PLD5: variants seen among roughly 807,000 people sequenced by gnomAD.
The protein encoded by PLD5 is inactive phospholipase D5.
A neutral mutation model predicts 61.1 loss-of-function variants in PLD5; 36 were observed. The ratio of observed to expected loss-of-function variants is 0.59; its 90% CI spans 0.45 to 0.78. The LOEUF is 0.78. Ranked by LOEUF, PLD5 falls within the 30% of genes least tolerant of loss-of-function variation. The pLI is 0.00. For synonymous variants in PLD5, 243 were observed against 242.8 expected, an observed-to-expected ratio of 1.00 and a Z score of -0.01; for missense variants, 515 against 644.4, an observed-to-expected ratio of 0.80 and a Z score of 2.17.
At chr1:242,114,972 T>C (rs2148708631) in intron 6 of PLD5, among the ~76,000 whole-genome samples, 1 of 149,964 alleles carries the variant, frequency 6.7e-6, no homozygotes, top group East Asian at 2.0e-4. Context: ...AGGTCAGGAG[T>C]TCAAGATCAG....
chr1:242,247,035 G>C (rs536240804), intron 4 of PLD5, among the ~76,000 whole-genome samples: 74 of 151,084 alleles, frequency 4.9e-4, no homozygotes, highest in Admixed American at 1.1e-3. Flanking sequence ...CCAGGCTGGA[G>C]TGCAGTGGCG....
intron 4 of PLD5, chr1:242,235,455 G>A (rs1671576569): frequency 6.6e-6 from 1 of 152,178 alleles, no homozygotes. Context: ...TCCTAAAAAG[G>A]TCCCTAAGTC....
At chr1:242,397,075 G>T (rs1490260451) in intron 1 of PLD5, among the ~76,000 whole-genome samples, 1 of 151,840 alleles carries the variant, frequency 6.6e-6, no homozygotes, top group East Asian at 1.9e-4. Flanking sequence ...CCAAGAATCA[G>T]CCTTTGGACC....
upstream of PLD5, among the ~76,000 whole-genome samples, chr1:242,526,435 G>GTTTGT (rs1195981489): frequency 1.3e-5 from 2 of 152,234 alleles, no homozygotes; most frequent in South Asian, 2.1e-4. Context: ...AATTTTGTTT[G>GTTTGT]TTTGTTTTGT....
At chr1:242,492,536 A>AG (rs1668197756) in intron 1 of PLD5, among the ~76,000 whole-genome samples, 1 of 151,646 alleles carries the variant, frequency 6.6e-6, no homozygotes. Flanking sequence ...AAAAAAAAAA[A>AG]GAAAAGAGAT....
intron 1 of PLD5, among the ~76,000 whole-genome samples, chr1:242,491,184 T>C (rs1450408873): frequency 1.3e-5 from 2 of 152,234 alleles, no homozygotes; most frequent in Non-Finnish European, 2.9e-5. Flanking sequence ...TTCAGTATAC[T>C]TACCTACAGC....
chr1:242,176,056 G>T (rs1667118032), intron 5 of PLD5, among the ~76,000 whole-genome samples: 1 of 152,092 alleles, frequency 6.6e-6, no homozygotes, highest in African/African-American at 2.4e-5. Flanking sequence ...AGCTACCATT[G>T]ACTTTCTTCA....
At chr1:242,469,136 A>T (rs1210990078) in intron 1 of PLD5, among the ~76,000 whole-genome samples, 1 of 152,206 alleles carries the variant, frequency 6.6e-6, no homozygotes, top group African/African-American at 2.4e-5. Flanking sequence ...GCCACAATAA[A>T]TATCCTAAAA....
Position 242,084,744 on chromosome 1 carries a change from G to T in PLD5, c.*5110C>A, listed in dbSNP as rs1659377250. The T allele has an allele frequency of 1.5e-5, 2 of 134,892 alleles. No individual in the cohort carries two copies. The highest frequency in any genetic ancestry group is 2.8e-5 in the African/African-American group (1 of 36,280). 8.4% of individuals were successfully genotyped at this position (134,892 alleles called of 1,614,324 possible). A position where few individuals can be genotyped will look rare whatever the true frequency, so the allele number is the denominator to read the frequency against. On this transcript the variant is annotated 3_prime_UTR_variant, in exon 10 of 10. Coordinates refer to ENST00000536534, the MANE Select transcript of PLD5 (RefSeq NM_001372062.1). ...AATGTACTCAGAATGAACATTTATT[G>T]GAAAGGTTTTTTTTTTTTTTTTTTT...
chr1:242,272,075 G>C (rs1404958035), intron 3 of PLD5, among the ~76,000 whole-genome samples: 2 of 152,012 alleles, frequency 1.3e-5, no homozygotes, highest in African/African-American at 4.8e-5. Context: ...ATAAAAAACA[G>C]GTTGAGAAAT....
intron 9 of PLD5, among the ~76,000 whole-genome samples, chr1:242,099,945 T>C (rs1458501164): frequency 1.3e-5 from 2 of 152,238 alleles, no homozygotes; most frequent in Non-Finnish European, 2.9e-5. Context: ...AAGGTTATCA[T>C]GGACTCATAT....
intron 2 of PLD5, among the ~76,000 whole-genome samples, chr1:242,302,304 T>C (rs1676099590): frequency 1.3e-5 from 2 of 152,218 alleles, no homozygotes; most frequent in Admixed American, 6.5e-5. Flanking sequence ...TGCGTTCCCA[T>C]GATTGGTTGC....
intron 1 of PLD5, among the ~76,000 whole-genome samples, chr1:242,394,725 AAC>A (rs1269434486): frequency 2.4e-5 from 1 of 41,236 alleles, no homozygotes; most frequent in African/African-American, 1.2e-4. Context: ...TATATATGTG[AAC>A]ATATATGTGT....
At chr1:242,294,696 G>T (rs1246427756) in intron 2 of PLD5, among the ~76,000 whole-genome samples, 1 of 152,174 alleles carries the variant, frequency 6.6e-6, no homozygotes, top group Non-Finnish European at 1.5e-5. Context: ...TTATTACAAA[G>T]ATTAGAGGAG....
chr1:242,321,831 C>T (rs770357995), intron 2 of PLD5, among the ~76,000 whole-genome samples: 3 of 152,148 alleles, frequency 2.0e-5, no homozygotes, highest in Non-Finnish European at 2.9e-5. Flanking sequence ...ATTAATCAAC[C>T]TTTTGTGACT....
At chr1:242,148,598 A>G (rs899231772) in intron 5 of PLD5, among the ~76,000 whole-genome samples, 1 of 152,020 alleles carries the variant, frequency 6.6e-6, no homozygotes, top group African/African-American at 2.4e-5. Context: ...ATAACAATAT[A>G]GCATTTTCTA....
intron 9 of PLD5, among the ~76,000 whole-genome samples, chr1:242,094,639 G>C (rs931193427): frequency 6.6e-6 from 1 of 152,090 alleles, no homozygotes. Flanking sequence ...AAAATATTAT[G>C]TGTAAAATTC....
At position 242,084,105 on chromosome 1, in the gene PLD5, C is replaced by T. The variant is rs1659354170; in HGVS notation, c.*5749G>A. 1.3e-5 allele frequency: 2 copies of T among 152,186 alleles called. No homozygotes were observed. Among genetic ancestry groups the T allele is most frequent in the African/African-American group, 4.8e-5 (2 of 41,520 alleles). The allele number at this position is 152,186 out of a possible 1,614,324, so 9.4% of individuals were successfully genotyped here. A position where few individuals can be genotyped will look rare whatever the true frequency, so the allele number is the denominator to read the frequency against. ...ATTTATCTCTCATATAAAAATAAAT[C>T]ACAAATAATCTTCACCCTTACTATG... On this transcript the variant is annotated 3_prime_UTR_variant, in exon 10 of 10. Transcript: ENST00000536534.
In PLD5 at chr1:242,191,293, G is replaced by C. The variant is rs74405761; in HGVS notation, c.735+28695C>G. On this transcript the variant is annotated intron_variant, in intron 5 of 9. Transcript: ENST00000536534. ...TTTATTTAAAAGAAGGTATTTAAAA[G>C]AAGGAAAGAGGGCCAGGCACGGTGG... 9.7e-3 allele frequency among the ~76,000 whole-genome samples: 1,470 copies of C among 152,230 alleles called. 22 individuals carry two copies. Among genetic ancestry groups the C allele is most frequent in the African/African-American group, 0.034 (1,407 of 41,522 alleles).
Sources: gnomAD v4.1 joint callset for allele counts (sites outside exome capture counted in the v4.1 genomes callset) on GRCh38, gnomAD v4.1.1 for gene constraint, MANE v1.5 for transcripts, NCBI Gene and HGNC (gene_info 2026-07-23, HGNC 2026-07-21) for gene names.